CRTAC1: variants seen among roughly 807,000 people sequenced by gnomAD.
CRTAC1 encodes acidic secreted protein in cartilage.
Under a neutral mutation model 67.8 loss-of-function variants are expected in CRTAC1, and 37 were observed. The ratio of observed to expected loss-of-function variants is 0.55; its 90% confidence interval spans 0.42 to 0.72. CRTAC1 has a LOEUF of 0.72. Ranked by LOEUF, CRTAC1 falls within the 30% of genes least tolerant of loss-of-function variation. The pLI is 0.00. For synonymous variants in CRTAC1, 348 were observed against 371.0 expected, an observed-to-expected ratio of 0.94 and a Z score of 0.71; for missense variants, 780 against 931.6, an observed-to-expected ratio of 0.84 and a Z score of 2.12.
In CRTAC1 at chr10:97,923,645, G is replaced by A. The variant is rs546163039; in HGVS notation, c.422-245C>T. 6.9e-4 allele frequency among the ~76,000 whole-genome samples: 105 copies of A among 152,288 alleles called. 1 individual carries two copies. The South Asian group carries it at 0.021, about 31-fold the overall frequency. ...GCTGGCCCAGGCCTCAGGAACTAGG[G>A]AGGAAGTGCCACTGCTGCAGTGTGC... On this transcript the variant is annotated intron_variant, in intron 3 of 14. Transcript: ENST00000370597.
intron 2 of CRTAC1, among the ~76,000 whole-genome samples, chr10:97,977,067 A>C (rs1313021452): frequency 6.6e-6 from 1 of 152,218 alleles, no homozygotes; most frequent in Non-Finnish European, 1.5e-5. Flanking sequence ...GTATTTGCTA[A>C]GCATTTCTAT....
At chr10:97,890,679 T>C (rs991473768) in intron 11 of CRTAC1, among the ~76,000 whole-genome samples, 11 of 151,912 alleles carry the variant, frequency 7.2e-5, no homozygotes, top group Admixed American at 2.6e-4. Context: ...TCTTTTTTTT[T>C]TTTTTGAGAC....
At chr10:97,986,713 A>G (rs1484037064) in intron 2 of CRTAC1, among the ~76,000 whole-genome samples, 1 of 152,216 alleles carries the variant, frequency 6.6e-6, no homozygotes, top group African/African-American at 2.4e-5. Context: ...TTGCTACAAG[A>G]TGACAACAAT....
chr10:98,005,915 C>T (rs1265704288), intron 2 of CRTAC1, among the ~76,000 whole-genome samples: 4 of 151,998 alleles, frequency 2.6e-5, no homozygotes, highest in Non-Finnish European at 4.4e-5. Flanking sequence ...TTAAGAAAAA[C>T]CTAAAACACT....
At chr10:97,919,570 G>A (rs2050806646) in intron 4 of CRTAC1, among the ~76,000 whole-genome samples, 1 of 152,046 alleles carries the variant, frequency 6.6e-6, no homozygotes, top group Non-Finnish European at 1.5e-5. Context: ...CTGCTACCCG[G>A]AAATCTGTGC....
intron 5 of CRTAC1, among the ~76,000 whole-genome samples, chr10:97,915,528 C>A (rs2050746331): frequency 6.6e-6 from 1 of 152,180 alleles, no homozygotes. Context: ...CCCCTGGCAC[C>A]ACAGTGGTGC....
At chr10:97,952,806 C>T (rs1197799070) in intron 2 of CRTAC1, among the ~76,000 whole-genome samples, 5 of 152,212 alleles carry the variant, frequency 3.3e-5, no homozygotes, top group African/African-American at 1.2e-4. Flanking sequence ...TATAATATCA[C>T]TACAGTTGAA....
At chr10:97,927,729 A>T (rs1206401508) in intron 3 of CRTAC1, among the ~76,000 whole-genome samples, 4 of 152,260 alleles carry the variant, frequency 2.6e-5, no homozygotes, top group African/African-American at 7.2e-5. Context: ...CTGCAGGCAG[A>T]GGCCCGGAGG....
chr10:97,908,679 G>C (rs992365597), intron 5 of CRTAC1, among the ~76,000 whole-genome samples: 5 of 152,210 alleles, frequency 3.3e-5, no homozygotes, highest in African/African-American at 1.2e-4. Context: ...AATAGTGAAT[G>C]GGTTGAATGG....
At chr10:97,896,195 T>G (rs1240455475) in intron 9 of CRTAC1, among the ~76,000 whole-genome samples, 2 of 152,174 alleles carry the variant, frequency 1.3e-5, no homozygotes, top group Non-Finnish European at 2.9e-5. Context: ...ATTTCCTTCC[T>G]TCCCCTGGTC....
chr10:97,866,076 C>T, intron 14 of CRTAC1: 1 of 237,092 alleles, frequency 4.2e-6, no homozygotes, highest in Non-Finnish European at 8.2e-6. Flanking sequence ...ATAGAGGACT[C>T]CCACACTGCA....
Position 98,030,512 on chromosome 10 carries a change from C to G in CRTAC1, c.-40G>C. On this transcript the variant is annotated 5_prime_UTR_variant, in exon 1 of 15. Transcript: ENST00000370597. The surrounding 1 kb of genome is among the most constrained non-coding windows in gnomAD (Gnocchi z 4.2). ...CCCCGCCGCCTAGGGGCGTGGGAAG[C>G]GGGCGCTCGCTGCCGCCTCTGCCGC... is the stretch of plus-strand genomic sequence containing the variant. 8 of 1,237,312 alleles carry G rather than the reference C, an allele frequency of 6.5e-6. No homozygotes were observed. Among genetic ancestry groups the G allele is most frequent in the Non-Finnish European group, 8.1e-6 (8 of 982,186 alleles). 76.6% of individuals were successfully genotyped at this position (1,237,312 alleles called of 1,614,324 possible).
At chr10:97,878,726 TGTCCA>T (rs2050174910) in intron 14 of CRTAC1, 1 of 1,301,960 alleles carries the variant, frequency 7.7e-7, no homozygotes, top group African/African-American at 1.5e-5. Flanking sequence ...GCCAGGCCTA[TGTCCA>T]GCCAGACATT....
chr10:97,999,404 T>C (rs1253368295), intron 2 of CRTAC1, among the ~76,000 whole-genome samples: 5 of 152,220 alleles, frequency 3.3e-5, no homozygotes, highest in African/African-American at 9.6e-5. Flanking sequence ...GCCCGGGCAC[T>C]GTTGTGGCCC....
At chr10:98,027,935 A>G (rs1843272706) in intron 1 of CRTAC1, among the ~76,000 whole-genome samples, 1 of 152,158 alleles carries the variant, frequency 6.6e-6, no homozygotes, top group Non-Finnish European at 1.5e-5. Context: ...TAGCCATGTG[A>G]CCTTGGCTTT....
At chr10:97,995,987 C>T (rs919621908) in intron 2 of CRTAC1, among the ~76,000 whole-genome samples, 5 of 152,078 alleles carry the variant, frequency 3.3e-5, no homozygotes, top group South Asian at 2.1e-4. Context: ...GGTGAAACCC[C>T]GTCTCTACTA....
intron 1 of CRTAC1, among the ~76,000 whole-genome samples, chr10:98,016,707 T>C (rs115440830): frequency 0.013 from 1,999 of 152,290 alleles, 52 homozygotes; most frequent in African/African-American, 0.046. Context: ...TAGAAGCTGC[T>C]CAGATCATGT....
At chr10:97,996,545 C>T (rs1403703764) in intron 2 of CRTAC1, among the ~76,000 whole-genome samples, 1 of 152,148 alleles carries the variant, frequency 6.6e-6, no homozygotes, top group African/African-American at 2.4e-5. Context: ...TACCATCTCA[C>T]ACCAGTTAGA....
chr10:97,878,459 T>G (rs3793697), intron 14 of CRTAC1: 65,100 of 439,720 alleles, frequency 0.15, 5,684 homozygotes, highest in African/African-American at 0.3. Context: ...GCTTTTTTTT[T>G]GTTGAATATG....
Sources: gnomAD v4.1 joint callset for allele counts (sites outside exome capture counted in the v4.1 genomes callset) on GRCh38, gnomAD v4.1.1 for gene constraint, Gnocchi (gnomAD v3.1) non-coding constraint, MANE v1.5 for transcripts, NCBI Gene and HGNC (gene_info 2026-07-23, HGNC 2026-07-21) for gene names.